MGAT4C: variants seen among roughly 807,000 people sequenced by gnomAD.
MGAT4C encodes the protein alpha-1,3-mannosyl-glycoprotein 4-beta-N-acetylglucosaminyltransferase C.
In MGAT4C, 19 loss-of-function variants were observed where a neutral mutation model predicts 40.1. The ratio of observed to expected loss-of-function variants is 0.47; its 90% CI spans 0.33 to 0.70. MGAT4C has a LOEUF of 0.70. Ranked by LOEUF, MGAT4C falls within the 30% of genes least tolerant of loss-of-function variation. The pLI is 0.02. For synonymous variants in MGAT4C, 181 were observed against 187.1 expected (o/e 0.97, Z 0.27); for missense variants, 491 against 563.2 (o/e 0.87, Z 1.30).
At chr12:86,479,459 T>C (rs1957897734) in intron 2 of MGAT4C, among the ~76,000 whole-genome samples, 1 of 151,914 alleles carries the variant, frequency 6.6e-6, no homozygotes, top group Non-Finnish European at 1.5e-5. Context: ...TGAATAACTG[T>C]GTATTGCTAT....
At chr12:86,505,666 T>G (rs960963078) in intron 2 of MGAT4C, among the ~76,000 whole-genome samples, 1 of 152,228 alleles carries the variant, frequency 6.6e-6, no homozygotes, top group Admixed American at 6.5e-5. Context: ...TTTAATAATT[T>G]TAAAGAAAAT....
chr12:86,136,580 G>A lies in MGAT4C; in HGVS notation c.-56-86857C>T, dbSNP rs888889150. Among the ~76,000 whole-genome samples, 7 of 152,070 alleles carry A rather than the reference G, an allele frequency of 4.6e-5. No individual in the cohort carries two copies. In the East Asian group the frequency reaches 1.2e-3, roughly 25 times the overall value. On this transcript the variant is annotated intron_variant, in intron 1 of 4. Coordinates refer to ENST00000611864, the MANE Select transcript of MGAT4C (RefSeq NM_001351288.2). ...GTCAATTAACATCTGATAGGGTTTC[G>A]TTATTCTTTAAGTGTTATATTACTC...
intron 3 of MGAT4C, among the ~76,000 whole-genome samples, chr12:86,429,398 ATGTT>A (rs774624459): frequency 1.4e-4 from 21 of 152,104 alleles, no homozygotes; most frequent in Non-Finnish European, 2.5e-4. Context: ...ATTCTGAATA[ATGTT>A]TGTTTGTGTG....
At chr12:86,429,065 T>A (rs1431693390) in intron 3 of MGAT4C, among the ~76,000 whole-genome samples, 3 of 152,094 alleles carry the variant, frequency 2.0e-5, no homozygotes, top group African/African-American at 7.2e-5. Flanking sequence ...TTATTTGAGA[T>A]CTTTTTCTTC....
Position 85,960,203 on chromosome 12 carries a change from C to G in MGAT4C, c.*19086G>C, listed in dbSNP as rs906790064. 6.6e-6 allele frequency: 1 copy of G among 152,082 alleles called. No homozygotes were observed. The highest frequency in any genetic ancestry group is 2.1e-4 in the South Asian group (1 of 4,822). 9.4% of individuals were successfully genotyped at this position (152,082 alleles called of 1,614,324 possible). A position where few individuals can be genotyped will look rare whatever the true frequency, so the allele number is the denominator to read the frequency against. ...ACCCACTAAGAATAAAAACATGATACAACTTGAAGAAATTTTCATCAAACG... is the reference window on the plus strand; with the variant it reads ...ACCCACTAAGAATAAAAACATGATAGAACTTGAAGAAATTTTCATCAAACG... On this transcript the variant is annotated 3_prime_UTR_variant, in exon 5 of 5. Transcript: ENST00000611864.
intron 1 of MGAT4C, among the ~76,000 whole-genome samples, chr12:86,067,860 C>T (rs1226265891): frequency 1.3e-5 from 2 of 152,024 alleles, no homozygotes; most frequent in East Asian, 3.9e-4. Flanking sequence ...GATCAGATGC[C>T]AAAGCAGGAG....
At chr12:86,382,707 T>C (rs572859156) in intron 3 of MGAT4C, among the ~76,000 whole-genome samples, 2 of 152,208 alleles carry the variant, frequency 1.3e-5, no homozygotes, top group Non-Finnish European at 2.9e-5. Flanking sequence ...CTTGGTGCCC[T>C]GCATCCTAGC....
At chr12:86,154,426 AG>A (rs2135779630) in intron 1 of MGAT4C, among the ~76,000 whole-genome samples, 1 of 152,276 alleles carries the variant, frequency 6.6e-6, no homozygotes, top group African/African-American at 2.4e-5. Flanking sequence ...CTCCGGTGTA[AG>A]TCAGGCAAGT....
rs1437149379 is a variant in MGAT4C at position 85,972,788 on chromosome 12, A to C, written c.*6501T>G. 1 of 151,062 alleles carries C rather than the reference A, an allele frequency of 6.6e-6. No homozygotes were observed. The highest frequency in any genetic ancestry group is 1.5e-5 in the Non-Finnish European group (1 of 67,210). The allele number at this position is 151,062 out of a possible 1,614,324, so 9.4% of individuals were successfully genotyped here. ...TCTAACTTTTTGGAACTATACTTTC[A>C]CTCATTGATGAAGTAAGTTACAACG... On this transcript the variant is annotated 3_prime_UTR_variant, in exon 5 of 5. Coordinates refer to ENST00000611864, the MANE Select transcript of MGAT4C (RefSeq NM_001351288.2).
At chr12:86,838,013 C>T (rs895748601) in intron 1 of MGAT4C, among the ~76,000 whole-genome samples, 1 of 152,144 alleles carries the variant, frequency 6.6e-6, no homozygotes, top group African/African-American at 2.4e-5. Context: ...TTGAGGTTTT[C>T]ACTAACAGAA....
intron 1 of MGAT4C, among the ~76,000 whole-genome samples, chr12:86,129,289 C>T (rs1160237612): frequency 1.3e-5 from 2 of 152,124 alleles, no homozygotes; most frequent in Admixed American, 1.3e-4. Context: ...GACAGTTATT[C>T]AATTAAGACA....
At chr12:86,771,698 G>A (rs1402348890) in intron 1 of MGAT4C, among the ~76,000 whole-genome samples, 2 of 70,058 alleles carry the variant, frequency 2.9e-5, no homozygotes, top group Non-Finnish European at 4.2e-5. Context: ...GTGTGTGTGT[G>A]TGTGTGTGTG....
Position 85,979,876 on chromosome 12 carries a change from G to T in MGAT4C, c.850C>A (p.Pro284Thr), listed in dbSNP as rs746994463. Residue 284 changes from proline to threonine, a missense_variant, in exon 5 of 5, where the codon CCT (proline) becomes ACT (threonine). Physicochemically the swap from Pro to Thr is conservative, Grantham distance 38. Transcript: ENST00000611864. ...HFLLMFYQEM[P>T]CDWLLTHFRG... ...AAATGAGTCAATAGCCAATCACAAG[G>T]CATTTCTTGATAAAACATTAATAAA... The T allele has an allele frequency of 1.2e-6, 2 of 1,613,668 alleles. No individual in the cohort carries two copies. Among genetic ancestry groups the T allele is most frequent in the Non-Finnish European group, 1.7e-6 (2 of 1,179,738 alleles).
chr12:86,527,845 C>A (rs1958911777), intron 2 of MGAT4C, among the ~76,000 whole-genome samples: 1 of 152,008 alleles, frequency 6.6e-6, no homozygotes, highest in Admixed American at 6.6e-5. Context: ...AGACAAATAT[C>A]ACATGTTCTC....
At chr12:86,225,860 AG>A in intron 1 of MGAT4C, among the ~76,000 whole-genome samples, 1 of 152,230 alleles carries the variant, frequency 6.6e-6, no homozygotes, top group Middle Eastern at 3.4e-3. Flanking sequence ...AAAAGTTGAA[AG>A]CATTTCCTCT....
At chr12:86,326,508 G>A (rs1025125525) in intron 4 of MGAT4C, among the ~76,000 whole-genome samples, 1 of 151,960 alleles carries the variant, frequency 6.6e-6, no homozygotes, top group Non-Finnish European at 1.5e-5. Context: ...GAGAAATAAA[G>A]CATTATAAGA....
At chr12:86,600,769 G>C (rs1291072055) in intron 2 of MGAT4C, among the ~76,000 whole-genome samples, 2 of 152,212 alleles carry the variant, frequency 1.3e-5, no homozygotes, top group Non-Finnish European at 2.9e-5. Flanking sequence ...TACTGAGTTG[G>C]TGGGACAGGA....
chr12:86,456,553 C>T (rs1957514161), intron 2 of MGAT4C, among the ~76,000 whole-genome samples: 1 of 152,004 alleles, frequency 6.6e-6, no homozygotes, highest in African/African-American at 2.4e-5. Context: ...GCATTGAGTT[C>T]TGATATTTTA....
At chr12:86,184,738 TA>T (rs34098097) in intron 1 of MGAT4C, among the ~76,000 whole-genome samples, 48,386 of 86,788 alleles carry the variant, frequency 0.56, 12,955 homozygotes, top group Middle Eastern at 0.7. Flanking sequence ...TTTCTCCTGT[TA>T]AAAAAAAAAA....
Sources: gnomAD v4.1 joint callset for allele counts (sites outside exome capture counted in the v4.1 genomes callset) on GRCh38, gnomAD v4.1.1 for gene constraint, MANE v1.5 for transcripts, NCBI Gene and HGNC (gene_info 2026-07-23, HGNC 2026-07-21) for gene names.